The following SLC37A1 variants were observed in gnomAD, a reference collection of about 807,000 sequenced individuals.
SLC37A1 encodes the protein solute carrier family 37 member 1, also known as glucose-6-phosphate exchanger SLC37A1.
Under a neutral mutation model 75.3 loss-of-function variants are expected in SLC37A1, and 49 were observed. The ratio of observed to expected loss-of-function variants is 0.65; its 90% CI spans 0.52 to 0.83. SLC37A1 has a LOEUF of 0.83. SLC37A1 is among the 40% of genes least tolerant of loss of function. The probability of loss-of-function intolerance (pLI) is 0.00; values close to 1 mark genes in which losing one functional copy is unlikely to be tolerated. For missense variants in SLC37A1, 566 were observed against 695.0 expected (o/e 0.81, Z 2.09); for synonymous variants, 268 against 292.1 (o/e 0.92, Z 0.84).
chr21:42,505,929 A>G (rs2054380681), intron 2 of SLC37A1, among the ~76,000 whole-genome samples: 1 of 152,242 alleles, frequency 6.6e-6, no homozygotes, highest in African/African-American at 2.4e-5. Flanking sequence ...AGTGTCTTAC[A>G]GATGAAAACA....
chr21:42,529,480 G>A, intron 3 of SLC37A1, among the ~76,000 whole-genome samples: 1 of 151,972 alleles, frequency 6.6e-6, no homozygotes, highest in East Asian at 1.9e-4. Context: ...CTTGAACCTG[G>A]GAGGCGAATG....
intron 2 of SLC37A1, among the ~76,000 whole-genome samples, chr21:42,505,700 T>A (rs2054378327): frequency 6.6e-6 from 1 of 152,244 alleles, no homozygotes; most frequent in Admixed American, 6.5e-5. Context: ...CATTGGCTTG[T>A]GAAAATTACA....
At chr21:42,565,677 G>C (rs534451130) in intron 14 of SLC37A1, 150 bp from the exon 15 acceptor site, 3 of 655,408 alleles carry the variant, frequency 4.6e-6, no homozygotes, top group Non-Finnish European at 8.0e-6. Flanking sequence ...GAGACGGGAG[G>C]GGGCGTGGCC....
At chr21:42,574,244 C>A (rs1385455867) in intron 17 of SLC37A1, among the ~76,000 whole-genome samples, 5 of 152,192 alleles carry the variant, frequency 3.3e-5, no homozygotes, top group Non-Finnish European at 2.9e-5. Flanking sequence ...CAAATTTTAC[C>A]CAGTTACATT....
rs565890261 is a variant in SLC37A1, at chr21:42,548,871, A to AG, written c.768+1737dup. ...GGGGCAGCACCTGGCCTCGTGCGGG[A>AG]GGGGGGCCAGAGTCCTTTTTCTGTC... is the stretch of plus-strand genomic sequence containing the variant. On this transcript the variant is annotated intron_variant, in intron 9 of 19. Coordinates refer to ENST00000352133, the MANE Select transcript of SLC37A1 (RefSeq NM_001320537.2). This position sits in a 1 kb window ranked among gnomAD's most constrained non-coding sequence, Gnocchi z 5.6. 1.3e-5 allele frequency among the ~76,000 whole-genome samples: 2 copies of AG among 151,966 alleles called. No homozygotes were observed. Among genetic ancestry groups the AG allele is most frequent in the East Asian group, 1.9e-4 (1 of 5,184 alleles).
chr21:42,535,336 T>C (rs2055109477), intron 4 of SLC37A1, 136 bp from the exon 5 acceptor site: 1 of 709,944 alleles, frequency 1.4e-6, no homozygotes, highest in Admixed American at 2.6e-5. Flanking sequence ...ACCGCCTTGT[T>C]TTCTATGTGG....
At chr21:42,573,001 C>G (rs2056223234) in intron 17 of SLC37A1, among the ~76,000 whole-genome samples, 2 of 152,162 alleles carry the variant, frequency 1.3e-5, no homozygotes, top group Non-Finnish European at 1.5e-5. Context: ...GGAGGAGACT[C>G]CTTCAGTGCC....
chr21:42,505,396 G>C (rs564431932), intron 2 of SLC37A1, among the ~76,000 whole-genome samples: 125 of 152,194 alleles, frequency 8.2e-4, no homozygotes, highest in African/African-American at 2.5e-3. Flanking sequence ...CTTCTTTTGG[G>C]TAACTCGATG....
rs1022789144 is a variant in SLC37A1, at chr21:42,548,640, T to A, written c.768+1500T>A. Reference sequence around the variant, plus strand: ...TCAGCCTCCTAGAACGATCCACTCTTGCTCCCCAGAATCTCTTCTTCACAC... The same window carrying A: ...TCAGCCTCCTAGAACGATCCACTCTAGCTCCCCAGAATCTCTTCTTCACAC... On this transcript the variant is annotated intron_variant, in intron 9 of 19. Coordinates refer to ENST00000352133, the MANE Select transcript of SLC37A1 (RefSeq NM_001320537.2). The surrounding 1 kb of genome is among the most constrained non-coding windows in gnomAD (Gnocchi z 5.6). 3.3e-5 allele frequency among the ~76,000 whole-genome samples: 5 copies of A among 152,192 alleles called. No individual in the cohort carries two copies. The highest frequency in any genetic ancestry group is 7.3e-5 in the Non-Finnish European group (5 of 68,028).
upstream of SLC37A1, among the ~76,000 whole-genome samples, chr21:42,512,894 A>C (rs1189822454): frequency 6.6e-6 from 1 of 152,272 alleles, no homozygotes; most frequent in Non-Finnish European, 1.5e-5. Flanking sequence ...CAGGGGAGCC[A>C]AACACAGGGA....
chr21:42,515,276 AT>A lies in SLC37A1; in HGVS notation c.-179+562del, dbSNP rs1219263603. Among the ~76,000 whole-genome samples the A allele has an allele frequency of 3.3e-5, 5 of 152,194 alleles. No homozygotes were observed. In the East Asian group the frequency reaches 9.6e-4, roughly 29 times the overall value. The stretch of plus-strand genomic sequence containing the variant: ...ACAGGAAGTTGTATTCTATCTCGTA[AT>A]TTAAAAAAAAGAAAAGAAAAAATGC... On this transcript the variant is annotated intron_variant, in intron 1 of 19. Transcript: ENST00000352133.
chr21:42,561,167 A>T (rs980179037), intron 11 of SLC37A1, among the ~76,000 whole-genome samples: 2 of 152,228 alleles, frequency 1.3e-5, no homozygotes, highest in Non-Finnish European at 2.9e-5. Flanking sequence ...GGCAAAGTAG[A>T]GCGCTGGGTT....
intron 5 of SLC37A1, among the ~76,000 whole-genome samples, chr21:42,536,440 T>C (rs2055139338): frequency 6.6e-6 from 1 of 152,222 alleles, no homozygotes; most frequent in Admixed American, 6.5e-5. Context: ...TGTGATTGGC[T>C]GATTAAAAAC....
At chr21:42,528,826 C>A (rs1251304971) in intron 3 of SLC37A1, among the ~76,000 whole-genome samples, 1 of 151,816 alleles carries the variant, frequency 6.6e-6, no homozygotes, top group Non-Finnish European at 1.5e-5. Flanking sequence ...GAAACTCCAT[C>A]TAAAAAAAAA....
chr21:42,524,380 C>A (rs971273831), intron 2 of SLC37A1, among the ~76,000 whole-genome samples: 6 of 152,250 alleles, frequency 3.9e-5, no homozygotes, highest in African/African-American at 1.4e-4. Context: ...TTTCTTCTTT[C>A]TTCCTCACAC....
intron 10 of SLC37A1, among the ~76,000 whole-genome samples, chr21:42,557,335 A>G (rs1006195486): frequency 2.6e-5 from 4 of 152,226 alleles, no homozygotes; most frequent in Non-Finnish European, 5.9e-5. Flanking sequence ...AAGCCCCCCG[A>G]GGAGATTCCA....
In SLC37A1 at chr21:42,543,010, CG is replaced by C. The variant is rs541144587; in HGVS notation, c.564-423del. Among the ~76,000 whole-genome samples the C allele has an allele frequency of 4.3e-4, 65 of 152,364 alleles. 1 individual carries two copies. In the East Asian group the frequency reaches 0.013, roughly 29 times the overall value. Reference sequence around the variant, plus strand: ...CGCAAACAAGATGCGGAAGCTAAAACGGGAACACCAGCGTCATCAGGTCTTA... The same window carrying C: ...CGCAAACAAGATGCGGAAGCTAAAACGGAACACCAGCGTCATCAGGTCTTA... On this transcript the variant is annotated intron_variant, in intron 7 of 19. Transcript: ENST00000352133.
chr21:42,502,470 G>C (rs1035623186), intron 2 of SLC37A1: 5 of 152,192 alleles, frequency 3.3e-5, no homozygotes, highest in Non-Finnish European at 7.3e-5. Flanking sequence ...GTGTCTCATA[G>C]TGACTTTAGT....
chr21:42,524,986 A>T (rs1317722764), intron 2 of SLC37A1, among the ~76,000 whole-genome samples: 1 of 152,036 alleles, frequency 6.6e-6, no homozygotes, highest in African/African-American at 2.4e-5. Context: ...GCAGAGGTGG[A>T]GTGGATCACC....
Sources: gnomAD v4.1 joint callset for allele counts (sites outside exome capture counted in the v4.1 genomes callset) on GRCh38, gnomAD v4.1.1 for gene constraint, Gnocchi (gnomAD v3.1) non-coding constraint, MANE v1.5 for transcripts, NCBI Gene and HGNC (gene_info 2026-07-23, HGNC 2026-07-21) for gene names.